Variants in SLC35D4 observed in about 807,000 individuals in gnomAD.
SLC35D4 encodes solute carrier family 35 member D4.
the SLC35D4 span, among the ~76,000 whole-genome samples, chr18:23,359,636 G>A: frequency 1.2e-4 from 19 of 152,140 alleles, no homozygotes; most frequent in African/African-American, 4.6e-4. Context: ...TCATGTTCTC[G>A]CCCTCAAAAC....
chr18:23,295,707 G>C, the SLC35D4 span, among the ~76,000 whole-genome samples: 2 of 152,120 alleles, frequency 1.3e-5, no homozygotes, highest in African/African-American at 2.4e-5. Flanking sequence ...CAACAAGTTG[G>C]GGAACACATG....
chr18:23,284,867 C>T, the SLC35D4 span, among the ~76,000 whole-genome samples: 1 of 152,216 alleles, frequency 6.6e-6, no homozygotes, highest in Non-Finnish European at 1.5e-5. Flanking sequence ...TTTCCAAACC[C>T]CAGCCTCCTG....
the SLC35D4 span, among the ~76,000 whole-genome samples, chr18:23,418,821 C>T: frequency 1.9e-4 from 29 of 151,852 alleles, no homozygotes; most frequent in African/African-American, 6.0e-4. Flanking sequence ...TCCTGGCTAA[C>T]GTGGTTAAAC....
chr18:23,357,572 C>A, the SLC35D4 span, among the ~76,000 whole-genome samples: 30 of 152,140 alleles, frequency 2.0e-4, no homozygotes, highest in Admixed American at 9.8e-4. Context: ...GTTCTGGGGG[C>A]CTGGGGGAGA....
At chr18:23,364,817 G>T in the SLC35D4 span, among the ~76,000 whole-genome samples, 2 of 141,232 alleles carry the variant, frequency 1.4e-5, no homozygotes, top group African/African-American at 5.2e-5. Context: ...GCAGGAGAAT[G>T]GCTTGAACCT....
At chr18:23,396,000 C>T in the SLC35D4 span, among the ~76,000 whole-genome samples, 1 of 152,226 alleles carries the variant, frequency 6.6e-6, no homozygotes, top group Non-Finnish European at 1.5e-5. Flanking sequence ...GGTCAGAAAC[C>T]AGGTCTTATT....
At chr18:23,366,668 G>A in the SLC35D4 span, among the ~76,000 whole-genome samples, 16 of 152,170 alleles carry the variant, frequency 1.1e-4, no homozygotes, top group Non-Finnish European at 1.5e-4. Context: ...GGAGGAAGAC[G>A]GCTGTGAGCA....
chr18:23,348,311 A>G, the SLC35D4 span, among the ~76,000 whole-genome samples: 8 of 152,174 alleles, frequency 5.3e-5, no homozygotes, highest in Non-Finnish European at 1.2e-4. Context: ...TCTGAAATCA[A>G]TTGGTGGGGT....
chr18:23,355,760 C>T, the SLC35D4 span, among the ~76,000 whole-genome samples: 1 of 152,086 alleles, frequency 6.6e-6, no homozygotes, highest in African/African-American at 2.4e-5. Context: ...GATCTATTGA[C>T]ATTGTATTTA....
the SLC35D4 span, among the ~76,000 whole-genome samples, chr18:23,339,914 G>A: frequency 6.6e-6 from 1 of 152,222 alleles, no homozygotes; most frequent in African/African-American, 2.4e-5. Context: ...TGGGGCTTAG[G>A]ATTTCAAGGT....
chr18:23,413,177 C>T, the SLC35D4 span, among the ~76,000 whole-genome samples: 1 of 152,190 alleles, frequency 6.6e-6, no homozygotes, highest in Non-Finnish European at 1.5e-5. Flanking sequence ...CCTCAAGCTC[C>T]ATTTCTCAAG....
the SLC35D4 span, among the ~76,000 whole-genome samples, chr18:23,325,312 T>C: frequency 6.6e-6 from 1 of 151,882 alleles, no homozygotes; most frequent in Non-Finnish European, 1.5e-5. Context: ...TCAAGAAGCT[T>C]AAAAAGGTAG....
chr18:23,406,551 A>G, the SLC35D4 span, among the ~76,000 whole-genome samples: 3 of 152,326 alleles, frequency 2.0e-5, no homozygotes, highest in East Asian at 5.8e-4. Flanking sequence ...TCAATCAATC[A>G]ATCACAGTCA....
At chr18:23,406,456 C>T in the SLC35D4 span, among the ~76,000 whole-genome samples, 33 of 152,280 alleles carry the variant, frequency 2.2e-4, no homozygotes, top group African/African-American at 7.9e-4. Flanking sequence ...TGTCTCTGCA[C>T]TAGGAGCTCT....
chr18:23,436,610 T>C, the SLC35D4 span, among the ~76,000 whole-genome samples: 1 of 151,806 alleles, frequency 6.6e-6, no homozygotes, highest in Non-Finnish European at 1.5e-5. Context: ...CTGGACAACA[T>C]GGTGAAACCC....
the SLC35D4 span, among the ~76,000 whole-genome samples, chr18:23,419,385 T>C: frequency 6.6e-6 from 1 of 151,958 alleles, no homozygotes; most frequent in Non-Finnish European, 1.5e-5. Flanking sequence ...CTCCGCCTCC[T>C]GGGTTCAAGC....
At chr18:23,301,954 C>T in the SLC35D4 span, among the ~76,000 whole-genome samples, 14 of 152,170 alleles carry the variant, frequency 9.2e-5, no homozygotes, top group African/African-American at 3.1e-4. Flanking sequence ...TGGATGACAG[C>T]AGTTGTTTTT....
At chr18:23,415,378 C>T in the SLC35D4 span, among the ~76,000 whole-genome samples, 1 of 152,146 alleles carries the variant, frequency 6.6e-6, no homozygotes, top group Non-Finnish European at 1.5e-5. Context: ...AGAGTTCAAA[C>T]TTTGCTCTCT....
the SLC35D4 span, among the ~76,000 whole-genome samples, chr18:23,263,490 A>G: frequency 6.6e-6 from 1 of 152,256 alleles, no homozygotes; most frequent in African/African-American, 2.4e-5. Flanking sequence ...ACTTGCTTCC[A>G]TAACAAGTAA....
Sources: gnomAD v4.1 joint callset for allele counts (sites outside exome capture counted in the v4.1 genomes callset) on GRCh38, gnomAD v4.1.1 for gene constraint, MANE v1.5 for transcripts, NCBI Gene and HGNC (gene_info 2026-07-23, HGNC 2026-07-21) for gene names.